Variants in PURA observed in about 807,000 individuals in gnomAD.
PURA encodes transcriptional activator protein Pur-alpha.
A neutral mutation model predicts 23.1 loss-of-function variants in PURA; 2 were observed. The observed-to-expected ratio is 0.09, with a 90% confidence interval of 0.04 to 0.27. PURA has a LOEUF of 0.27. Among genes scored for constraint, PURA ranks in the 10% least tolerant of loss-of-function variants. The probability of loss-of-function intolerance (pLI) is 1.00; values close to 1 mark genes in which losing one functional copy is unlikely to be tolerated. For synonymous variants in PURA, 254 were observed against 205.9 expected (o/e 1.23, Z -2.00); for missense variants, 187 against 449.7 (o/e 0.42, Z 5.28).
rs151115751 is a variant in PURA at position 140,122,218 on chromosome 5, G to A, written c.*7068G>A. 1 of 166,936 alleles carries A rather than the reference G, an allele frequency of 6.0e-6. No homozygotes were observed. Among genetic ancestry groups the A allele is most frequent in the Non-Finnish European group, 1.5e-5 (1 of 67,970 alleles). 10.3% of individuals were successfully genotyped at this position (166,936 alleles called of 1,614,324 possible). A position where few individuals can be genotyped will look rare whatever the true frequency, so the allele number is the denominator to read the frequency against. ...GGTCAAGGCAAGTGGATGCTGGGGAGTTATTATTTTGAGGAAAAGAAAATT... is the reference window on the plus strand; with the variant it reads ...GGTCAAGGCAAGTGGATGCTGGGGAATTATTATTTTGAGGAAAAGAAAATT... On this transcript the variant is annotated 3_prime_UTR_variant, in exon 1 of 1. Transcript: ENST00000331327.
Position 140,117,410 on chromosome 5 carries a change from T to C in PURA, c.*2260T>C, listed in dbSNP as rs1167362992. The C allele has an allele frequency of 6.0e-6, 1 of 166,910 alleles. No homozygotes were observed. 10.3% of individuals were successfully genotyped at this position (166,910 alleles called of 1,614,324 possible). ...TTGAGCTGTTTTGTTCACTGTACTT[T>C]AACTGTGATATGGAAAAGACTGCAT... On this transcript the variant is annotated 3_prime_UTR_variant, in exon 1 of 1. Coordinates refer to ENST00000331327, the MANE Select transcript of PURA (RefSeq NM_005859.5).
At position 140,115,144 on chromosome 5, in the gene PURA, A is replaced by G. The variant is rs1244373781; in HGVS notation, c.963A>G (p.Glu321=). ...LLLQGEEEGE[E]D ...TGCAGGGTGAGGAAGAAGGGGAAGAAGATTGATCAAACTGAATGAAACCCC... is the reference window on the plus strand; with the variant it reads ...TGCAGGGTGAGGAAGAAGGGGAAGAGGATTGATCAAACTGAATGAAACCCC... The change falls in exon 1 of 1, where the codon GAA becomes GAG. Residue 321 remains glutamate, a synonymous_variant. Transcript: ENST00000331327. This position sits in a 1 kb window ranked among gnomAD's most constrained non-coding sequence, Gnocchi z 4.1. The G allele has an allele frequency of 6.5e-7, 1 of 1,535,280 alleles. No homozygotes were observed. Among genetic ancestry groups the G allele is most frequent in the Non-Finnish European group, 8.8e-7 (1 of 1,140,720 alleles).
In PURA at chr5:140,121,645, TAGCTAACTG is replaced by T. The variant is rs1387030569; in HGVS notation, c.*6497_*6505del. 1 of 166,942 alleles carries T rather than the reference TAGCTAACTG, an allele frequency of 6.0e-6. No homozygotes were observed. The highest frequency in any genetic ancestry group is 2.1e-4 in the South Asian group (1 of 4,828). 10.3% of individuals were successfully genotyped at this position (166,942 alleles called of 1,614,324 possible). A position where few individuals can be genotyped will look rare whatever the true frequency, so the allele number is the denominator to read the frequency against. On this transcript the variant is annotated 3_prime_UTR_variant, in exon 1 of 1. Transcript: ENST00000331327. Reference sequence around the variant, plus strand: ...AATTTCTGACTCCTGCCTTAGAACATAGCTAACTGATGATCCAGAACAATTTCAGTATTA... The same window carrying T: ...AATTTCTGACTCCTGCCTTAGAACATATGATCCAGAACAATTTCAGTATTA...
In PURA at chr5:140,120,268, C is replaced by T. The variant is rs1763136671; in HGVS notation, c.*5118C>T. 2 of 166,712 alleles carry T rather than the reference C, an allele frequency of 1.2e-5. No homozygotes were observed. The highest frequency in any genetic ancestry group is 1.3e-4 in the Admixed American group (2 of 15,242). The allele number at this position is 166,712 out of a possible 1,614,324, so 10.3% of individuals were successfully genotyped here. On this transcript the variant is annotated 3_prime_UTR_variant, in exon 1 of 1. Transcript: ENST00000331327. ...GTGTGTGTGTATATGTATATAGATA[C>T]ACACATCTCCTTGAGAGTGGAATAA...
rs556707967 is a variant in PURA at position 140,116,156 on chromosome 5, T to A, written c.*1006T>A. 5 of 167,180 alleles carry A rather than the reference T, an allele frequency of 3.0e-5. No homozygotes were observed. The highest frequency in any genetic ancestry group is 1.2e-4 in the African/African-American group (5 of 41,564). 10.4% of individuals were successfully genotyped at this position (167,180 alleles called of 1,614,324 possible). A position where few individuals can be genotyped will look rare whatever the true frequency, so the allele number is the denominator to read the frequency against. On this transcript the variant is annotated 3_prime_UTR_variant, in exon 1 of 1. Coordinates refer to ENST00000331327, the MANE Select transcript of PURA (RefSeq NM_005859.5). ...ATCGTTCATAATATATTTTTTTTAT[T>A]ATGTGTAGAAAGATTTTAAAAAACT... is the stretch of plus-strand genomic sequence containing the variant.
Position 140,124,995 on chromosome 5 carries a change from GC to G in PURA, c.*9847del, listed in dbSNP as rs2126753702. ...CAATTTGTCCCTGGCCTTTTTCGAG[GC>G]CATTTTTAGTTTTCTGCCCCCATTT... On this transcript the variant is annotated 3_prime_UTR_variant, in exon 1 of 1. Transcript: ENST00000331327. 6.0e-6 allele frequency: 1 copy of G among 167,000 alleles called. No homozygotes were observed. The highest frequency in any genetic ancestry group is 2.1e-4 in the South Asian group (1 of 4,826). The allele number at this position is 167,000 out of a possible 1,614,324, so 10.3% of individuals were successfully genotyped here. A position where few individuals can be genotyped will look rare whatever the true frequency, so the allele number is the denominator to read the frequency against.
Position 140,118,473 on chromosome 5 carries a change from T to G in PURA, c.*3323T>G, listed in dbSNP as rs912902356. On this transcript the variant is annotated 3_prime_UTR_variant, in exon 1 of 1. Coordinates refer to ENST00000331327, the MANE Select transcript of PURA (RefSeq NM_005859.5). ...TTTTATTTGTGCCTCCTATTTATCA[T>G]GCTGATGTTAGAAGCAGCAGTCATC... 1 of 166,696 alleles carries G rather than the reference T, an allele frequency of 6.0e-6. No homozygotes were observed. The highest frequency in any genetic ancestry group is 2.4e-5 in the African/African-American group (1 of 41,372). 10.3% of individuals were successfully genotyped at this position (166,696 alleles called of 1,614,324 possible). A position where few individuals can be genotyped will look rare whatever the true frequency, so the allele number is the denominator to read the frequency against.
chr5:140,121,688 C>T lies in PURA; in HGVS notation c.*6538C>T, dbSNP rs535274613. 1.8e-5 allele frequency: 3 copies of T among 166,978 alleles called. No homozygotes were observed. The highest frequency in any genetic ancestry group is 3.9e-4 in the East Asian group (2 of 5,188). The allele number at this position is 166,978 out of a possible 1,614,324, so 10.3% of individuals were successfully genotyped here. A position where few individuals can be genotyped will look rare whatever the true frequency, so the allele number is the denominator to read the frequency against. ...GAACAATTTCAGTATTATGAGGTAACTGGGCAGTTTTTTTCTGATTGCTAT... is the reference window on the plus strand; with the variant it reads ...GAACAATTTCAGTATTATGAGGTAATTGGGCAGTTTTTTTCTGATTGCTAT... On this transcript the variant is annotated 3_prime_UTR_variant, in exon 1 of 1. Transcript: ENST00000331327.
Position 140,119,271 on chromosome 5 carries a change from A to G in PURA, c.*4121A>G, listed in dbSNP as rs959880570. ...GGATTTTTATAATTGTTTTTCATCAAATTTTAATATTTTTGTCAAATTTTT... is the reference window on the plus strand; with the variant it reads ...GGATTTTTATAATTGTTTTTCATCAGATTTTAATATTTTTGTCAAATTTTT... On this transcript the variant is annotated 3_prime_UTR_variant, in exon 1 of 1. Coordinates refer to ENST00000331327, the MANE Select transcript of PURA (RefSeq NM_005859.5). 1.8e-5 allele frequency: 3 copies of G among 166,858 alleles called. No individual in the cohort carries two copies. In the Admixed American group the frequency reaches 2.0e-4, roughly 11 times the overall value. The allele number at this position is 166,858 out of a possible 1,614,324, so 10.3% of individuals were successfully genotyped here.
chr5:140,120,680 A>C lies in PURA; in HGVS notation c.*5530A>C, dbSNP rs1185811452. 2 of 166,206 alleles carry C rather than the reference A, an allele frequency of 1.2e-5. No homozygotes were observed. The highest frequency in any genetic ancestry group is 4.8e-5 in the African/African-American group (2 of 41,458). 10.3% of individuals were successfully genotyped at this position (166,206 alleles called of 1,614,324 possible). A position where few individuals can be genotyped will look rare whatever the true frequency, so the allele number is the denominator to read the frequency against. On this transcript the variant is annotated 3_prime_UTR_variant, in exon 1 of 1. Transcript: ENST00000331327. Reference sequence around the variant, plus strand: ...GAGTCAGGTAGAATTTCATGATAAAAGAACAACCAGATGAAATAAGAAATA... The same window carrying C: ...GAGTCAGGTAGAATTTCATGATAAACGAACAACCAGATGAAATAAGAAATA...
At position 140,116,079 on chromosome 5, in the gene PURA, G is replaced by A. The variant is rs1274146564; in HGVS notation, c.*929G>A. The A allele has an allele frequency of 6.0e-6, 1 of 167,074 alleles. No individual in the cohort carries two copies. Among genetic ancestry groups the A allele is most frequent in the Non-Finnish European group, 1.5e-5 (1 of 68,096 alleles). 10.3% of individuals were successfully genotyped at this position (167,074 alleles called of 1,614,324 possible). ...CCATAATATTTTTCTGCATCTGTTT[G>A]CTTTGACTGAGTAGGCGTTTTGTCA... On this transcript the variant is annotated 3_prime_UTR_variant, in exon 1 of 1. Coordinates refer to ENST00000331327, the MANE Select transcript of PURA (RefSeq NM_005859.5).
rs1763064125 is a variant in PURA at position 140,115,315 on chromosome 5, A to G, written c.*165A>G. The G allele has an allele frequency of 2.1e-6, 1 of 473,816 alleles. No individual in the cohort carries two copies. The highest frequency in any genetic ancestry group is 5.5e-5 in the South Asian group (1 of 18,110). 29.4% of individuals were successfully genotyped at this position (473,816 alleles called of 1,614,324 possible). On this transcript the variant is annotated 3_prime_UTR_variant, in exon 1 of 1. Transcript: ENST00000331327. The surrounding 1 kb of genome is among the most constrained non-coding windows in gnomAD (Gnocchi z 4.1). ...AGGGAGCACCACCCACAGAACCTCC[A>G]CCAACTGACAGTTTCTCTTCTTGAC...
chr5:140,124,964 G>T lies in PURA; in HGVS notation c.*9814G>T, dbSNP rs967964962. On this transcript the variant is annotated 3_prime_UTR_variant, in exon 1 of 1. Coordinates refer to ENST00000331327, the MANE Select transcript of PURA (RefSeq NM_005859.5). ...TTTCCCAATGTGAATAAAGGGAAAA[G>T]ATCAGCAATTTGTCCCTGGCCTTTT... The T allele has an allele frequency of 6.0e-6, 1 of 167,030 alleles. No individual in the cohort carries two copies. The highest frequency in any genetic ancestry group is 6.5e-5 in the Admixed American group (1 of 15,268). 10.3% of individuals were successfully genotyped at this position (167,030 alleles called of 1,614,324 possible). A position where few individuals can be genotyped will look rare whatever the true frequency, so the allele number is the denominator to read the frequency against.
chr5:140,114,703 C>T lies in PURA; in HGVS notation c.522C>T (p.Val174=). Residue 174 remains valine, a synonymous_variant, in exon 1 of 1, where the codon GTC becomes GTT. Transcript: ENST00000331327. ...RGRFLRIRQT[V]NRGPGLGSTQ... The stretch of plus-strand genomic sequence containing the variant: ...GCTTCCTGCGCATCCGCCAGACGGT[C>T]AACCGGGGGCCTGGCCTGGGCTCCA... 4 of 1,612,836 alleles carry T rather than the reference C, an allele frequency of 2.5e-6. No individual in the cohort carries two copies. The highest frequency in any genetic ancestry group is 3.4e-6 in the Non-Finnish European group (4 of 1,179,804).
chr5:140,123,473 G>T lies in PURA; in HGVS notation c.*8323G>T, dbSNP rs1003408898. 6.0e-6 allele frequency: 1 copy of T among 166,708 alleles called. No individual in the cohort carries two copies. Among genetic ancestry groups the T allele is most frequent in the Non-Finnish European group, 1.5e-5 (1 of 68,030 alleles). 10.3% of individuals were successfully genotyped at this position (166,708 alleles called of 1,614,324 possible). A position where few individuals can be genotyped will look rare whatever the true frequency, so the allele number is the denominator to read the frequency against. ...GTTAAGGCTAGTCACTTTCACTTTTGTTTCTAGTCTTTTCTAATTTCTTGC... is the reference window on the plus strand; with the variant it reads ...GTTAAGGCTAGTCACTTTCACTTTTTTTTCTAGTCTTTTCTAATTTCTTGC... On this transcript the variant is annotated 3_prime_UTR_variant, in exon 1 of 1. Transcript: ENST00000331327.
rs542555810 is a variant in PURA, at chr5:140,123,724, G to T, written c.*8574G>T. The T allele has an allele frequency of 3.0e-5, 5 of 167,074 alleles. No homozygotes were observed. Among genetic ancestry groups the T allele is most frequent in the African/African-American group, 9.6e-5 (4 of 41,560 alleles). The allele number at this position is 167,074 out of a possible 1,614,324, so 10.3% of individuals were successfully genotyped here. ...AAAGCTTAGGATAGGGAATATATAT[G>T]TATGTGTATATGAAATGATGTCTTC... is the stretch of plus-strand genomic sequence containing the variant. On this transcript the variant is annotated 3_prime_UTR_variant, in exon 1 of 1. Coordinates refer to ENST00000331327, the MANE Select transcript of PURA (RefSeq NM_005859.5).
In PURA at chr5:140,123,820, A is replaced by G. The variant is rs564220067; in HGVS notation, c.*8670A>G. On this transcript the variant is annotated 3_prime_UTR_variant, in exon 1 of 1. Coordinates refer to ENST00000331327, the MANE Select transcript of PURA (RefSeq NM_005859.5). ...TTTGTTTCACTGAAGTCAGTGAGAT[A>G]GGAGTCTAGCTGGGTACATGCTTAA... 7.9e-4 allele frequency: 133 copies of G among 167,324 alleles called. No individual in the cohort carries two copies. The Middle Eastern group carries it at 0.014, about 17-fold the overall frequency. 10.4% of individuals were successfully genotyped at this position (167,324 alleles called of 1,614,324 possible). A position where few individuals can be genotyped will look rare whatever the true frequency, so the allele number is the denominator to read the frequency against.
rs1763132418 is a variant in PURA, at chr5:140,120,016, C to T, written c.*4866C>T. Reference sequence around the variant, plus strand: ...CACCATAAAAAGTGAGATACCAAGTCTAATGACTTTTTTCCCTTTTTAAAA... The same window carrying T: ...CACCATAAAAAGTGAGATACCAAGTTTAATGACTTTTTTCCCTTTTTAAAA... On this transcript the variant is annotated 3_prime_UTR_variant, in exon 1 of 1. Transcript: ENST00000331327. 1 of 166,750 alleles carries T rather than the reference C, an allele frequency of 6.0e-6. No individual in the cohort carries two copies. The highest frequency in any genetic ancestry group is 2.1e-4 in the South Asian group (1 of 4,826). 10.3% of individuals were successfully genotyped at this position (166,750 alleles called of 1,614,324 possible). A position where few individuals can be genotyped will look rare whatever the true frequency, so the allele number is the denominator to read the frequency against.
Position 140,114,116 on chromosome 5 carries a change from G to GCTGAGGCGA in PURA, c.-57_-49dup, listed in dbSNP as rs1386467592. ...GAGCCGGGGAGGGAAAGCAGCGGCG[G>GCTGAGGCGA]CTGAGGCGACTGAGGCGGCGGGCGG... is the stretch of plus-strand genomic sequence containing the variant. On this transcript the variant is annotated 5_prime_UTR_variant, in exon 1 of 1. Coordinates refer to ENST00000331327, the MANE Select transcript of PURA (RefSeq NM_005859.5). 1 of 341,724 alleles carries GCTGAGGCGA rather than the reference G, an allele frequency of 2.9e-6. No individual in the cohort carries two copies. Among genetic ancestry groups the GCTGAGGCGA allele is most frequent in the African/African-American group, 2.2e-5 (1 of 45,464 alleles). 21.2% of individuals were successfully genotyped at this position (341,724 alleles called of 1,614,324 possible). A position where few individuals can be genotyped will look rare whatever the true frequency, so the allele number is the denominator to read the frequency against.
Sources: allele counts gnomAD v4.1 joint callset, GRCh38; gene constraint gnomAD v4.1.1; non-coding constraint Gnocchi (gnomAD v3.1); transcripts MANE v1.5; gene names NCBI Gene and HGNC (gene_info 2026-07-23, HGNC 2026-07-21).